PARD3: variants seen among roughly 807,000 people sequenced by gnomAD.
PARD3 encodes partitioning defective 3 homolog.
In PARD3, 75 loss-of-function variants were observed where a neutral mutation model predicts 155.4. The observed-to-expected ratio is 0.48, with a 90% CI of 0.40 to 0.58. The LOEUF (loss-of-function observed/expected upper bound fraction) is 0.58, where lower values mean the gene tolerates loss of function less well. PARD3 is among the 20% of genes least tolerant of loss of function. The pLI is 0.00. For synonymous variants in PARD3, 576 were observed against 610.5 expected (o/e 0.94, Z 0.83); for missense variants, 1,642 against 1,721.7 (o/e 0.95, Z 0.82).
intron 3 of PARD3, among the ~76,000 whole-genome samples, chr10:34,511,916 A>C (rs965380556): frequency 6.6e-6 from 1 of 152,084 alleles, no homozygotes; most frequent in South Asian, 2.1e-4. Flanking sequence ...AATAGAGACA[A>C]GGTCCTTTAT....
At chr10:34,754,480 C>G (rs1268034986) in intron 1 of PARD3, among the ~76,000 whole-genome samples, 1 of 152,198 alleles carries the variant, frequency 6.6e-6, no homozygotes, top group African/African-American at 2.4e-5. Flanking sequence ...AAGCAAGGAT[C>G]ATATTTTACA....
chr10:34,625,442 G>A (rs2091931507), intron 2 of PARD3, among the ~76,000 whole-genome samples: 1 of 152,238 alleles, frequency 6.6e-6, no homozygotes, highest in South Asian at 2.1e-4. Context: ...CACAGCAGGT[G>A]CCTGCGCTGG....
chr10:34,351,345 A>G (rs1838059626), intron 14 of PARD3, among the ~76,000 whole-genome samples: 1 of 152,200 alleles, frequency 6.6e-6, no homozygotes, highest in Non-Finnish European at 1.5e-5. Flanking sequence ...CCTAAAAGTG[A>G]GTGAGTCATA....
At chr10:34,700,730 G>C (rs186940596) in intron 1 of PARD3, among the ~76,000 whole-genome samples, 3 of 152,298 alleles carry the variant, frequency 2.0e-5, no homozygotes, top group Admixed American at 6.5e-5. Flanking sequence ...CCAGTACTTT[G>C]GGAGGCTGAG....
rs532919145 is a variant in PARD3, at chr10:34,513,926, T to C, written c.403+3053A>G. 2.0e-5 allele frequency among the ~76,000 whole-genome samples: 3 copies of C among 152,138 alleles called. No individual in the cohort carries two copies. The South Asian group carries it at 6.2e-4, about 32-fold the overall frequency. On this transcript the variant is annotated intron_variant, in intron 3 of 24. Coordinates refer to ENST00000374788, the MANE Select transcript of PARD3 (RefSeq NM_001184785.2). ...TCATCAGACACTGATAAATGTTCCT[T>C]GGGGAGAAAACACTTCTGAGGTTGA...
intron 20 of PARD3, among the ~76,000 whole-genome samples, chr10:34,314,193 GAA>G (rs34617785): frequency 2.8e-5 from 4 of 143,552 alleles, no homozygotes; most frequent in Non-Finnish European, 3.0e-5. Flanking sequence ...GTTGTTAGGA[GAA>G]AAAAAAAAAA....
chr10:34,725,407 G>A (rs959310973), intron 1 of PARD3, among the ~76,000 whole-genome samples: 5 of 151,946 alleles, frequency 3.3e-5, no homozygotes, highest in Non-Finnish European at 5.9e-5. Context: ...CACCTGTCTC[G>A]GCCTCCCAAA....
chr10:34,234,601 T>C (rs1331029459), intron 22 of PARD3, among the ~76,000 whole-genome samples: 1 of 152,194 alleles, frequency 6.6e-6, no homozygotes, highest in Non-Finnish European at 1.5e-5. Flanking sequence ...CTCAGCCAAA[T>C]GTCATCTTCC....
rs1349475328 is a variant in PARD3 at position 34,109,668 on chromosome 10, T to C, written c.*1501A>G. On this transcript the variant is annotated 3_prime_UTR_variant, in exon 25 of 25. Transcript: ENST00000374788. ...AAGAGCCACTGTCATCCAAGGTCAC[T>C]GCGCGTACACTGGTAACACCACTTA... 6.6e-6 allele frequency: 1 copy of C among 152,028 alleles called. No individual in the cohort carries two copies. The highest frequency in any genetic ancestry group is 2.4e-5 in the African/African-American group (1 of 41,376). The allele number at this position is 152,028 out of a possible 1,614,324, so 9.4% of individuals were successfully genotyped here.
intron 3 of PARD3, among the ~76,000 whole-genome samples, chr10:34,485,557 A>G (rs897767014): frequency 6.6e-6 from 1 of 152,190 alleles, no homozygotes; most frequent in African/African-American, 2.4e-5. Context: ...CGGGTCATAG[A>G]TTCAGAGCTT....
intron 1 of PARD3, among the ~76,000 whole-genome samples, chr10:34,727,878 C>CCACACACACACACA (rs61342514): frequency 6.9e-6 from 1 of 144,622 alleles, no homozygotes; most frequent in Non-Finnish European, 1.5e-5. Flanking sequence ...CCTCCCTCCG[C>CCACACACACACACA]CACACACACA....
At chr10:34,417,962 C>T (rs1330833154) in intron 5 of PARD3, among the ~76,000 whole-genome samples, 1 of 152,022 alleles carries the variant, frequency 6.6e-6, no homozygotes, top group Non-Finnish European at 1.5e-5. Flanking sequence ...TCAGTAAAAG[C>T]ATATTCATAA....
intron 1 of PARD3, among the ~76,000 whole-genome samples, chr10:34,793,370 AGAG>A (rs749102660): frequency 6.9e-4 from 105 of 152,298 alleles, no homozygotes; most frequent in Non-Finnish European, 1.2e-3. Flanking sequence ...GTGGCGGTAA[AGAG>A]AAGAGGGCAG....
At chr10:34,158,116 T>C (rs551837742) in intron 22 of PARD3, among the ~76,000 whole-genome samples, 1 of 152,164 alleles carries the variant, frequency 6.6e-6, no homozygotes, top group Non-Finnish European at 1.5e-5. Flanking sequence ...AGGTAACTCA[T>C]GCCTGTAATC....
intron 22 of PARD3, among the ~76,000 whole-genome samples, chr10:34,219,820 T>G (rs1182139639): frequency 6.6e-6 from 1 of 152,192 alleles, no homozygotes; most frequent in East Asian, 1.9e-4. Flanking sequence ...CTACTAAATT[T>G]GGCACTGTAC....
intron 1 of PARD3, among the ~76,000 whole-genome samples, chr10:34,727,706 T>C (rs2094740164): frequency 6.6e-6 from 1 of 152,138 alleles, no homozygotes; most frequent in Non-Finnish European, 1.5e-5. Flanking sequence ...ACACACACTG[T>C]TGCCAGAATA....
chr10:34,562,529 T>C (rs2085580047), intron 2 of PARD3, among the ~76,000 whole-genome samples: 1 of 152,090 alleles, frequency 6.6e-6, no homozygotes, highest in South Asian at 2.1e-4. Context: ...ACATGCAGGG[T>C]TACTCTACAG....
At chr10:34,118,953 T>C (rs940650275) in intron 24 of PARD3, among the ~76,000 whole-genome samples, 1 of 152,230 alleles carries the variant, frequency 6.6e-6, no homozygotes, top group Non-Finnish European at 1.5e-5. Flanking sequence ...GAAAAATAGT[T>C]ACTATTTCAA....
intron 2 of PARD3, among the ~76,000 whole-genome samples, chr10:34,540,623 T>C (rs947800349): frequency 1.3e-5 from 2 of 151,718 alleles, no homozygotes; most frequent in African/African-American, 2.4e-5. Context: ...CAAACAAAAA[T>C]AGAAATATTA....
Sources: gnomAD v4.1 joint callset for allele counts (sites outside exome capture counted in the v4.1 genomes callset) on GRCh38, gnomAD v4.1.1 for gene constraint, MANE v1.5 for transcripts, NCBI Gene and HGNC (gene_info 2026-07-23, HGNC 2026-07-21) for gene names.